Variants in ST18 observed in about 807,000 individuals in gnomAD.
The protein encoded by ST18 is suppression of tumorigenicity 18 protein.
Under a neutral mutation model 110.0 loss-of-function variants are expected in ST18, and 50 were observed. The ratio of observed to expected loss-of-function variants is 0.45; its 90% CI spans 0.36 to 0.58. The LOEUF (loss-of-function observed/expected upper bound fraction) is 0.58, where lower values mean the gene tolerates loss of function less well. Ranked by LOEUF, ST18 falls within the 20% of genes least tolerant of loss-of-function variation. The pLI is 0.00. For synonymous variants in ST18, 461 were observed against 452.4 expected (o/e 1.02, Z -0.24); for missense variants, 1,306 against 1,280.1 (o/e 1.02, Z -0.31).
intron 6 of ST18, among the ~76,000 whole-genome samples, chr8:52,217,139 T>A (rs1435035235): frequency 6.6e-6 from 1 of 152,208 alleles, no homozygotes. Flanking sequence ...TAAAACCTAA[T>A]GAGTCCTTTG....
chr8:52,209,788 A>AATAT (rs55960327), intron 8 of ST18, among the ~76,000 whole-genome samples: 122 of 105,672 alleles, frequency 1.2e-3, no homozygotes, highest in African/African-American at 3.0e-3. Context: ...AAAAAAAAAA[A>AATAT]ATATATATAT....
rs188359416 is a variant in ST18 at position 52,217,755 on chromosome 8, G to A, written c.-10C>T. 6.6e-6 allele frequency: 1 copy of A among 152,288 alleles called. No individual in the cohort carries two copies. The highest frequency in any genetic ancestry group is 1.5e-5 in the Non-Finnish European group (1 of 68,026). 9.4% of individuals were successfully genotyped at this position (152,288 alleles called of 1,614,324 possible). On this transcript the variant is annotated 5_prime_UTR_variant, in exon 6 of 26. Transcript: ENST00000689386. Reference sequence around the variant, plus strand: ...TTATGTACTTACAAACCTATAAACAGATGTATAAAGTGATTTCCTAGTACT... The same window carrying A: ...TTATGTACTTACAAACCTATAAACAAATGTATAAAGTGATTTCCTAGTACT...
intron 16 of ST18, among the ~76,000 whole-genome samples, chr8:52,144,354 T>C (rs2056439926): frequency 6.6e-6 from 1 of 152,036 alleles, no homozygotes; most frequent in East Asian, 1.9e-4. Context: ...TAAATGAATA[T>C]AAAAATACTA....
chr8:52,258,084 G>T (rs55865170), intron 2 of ST18, among the ~76,000 whole-genome samples: 9 of 151,954 alleles, frequency 5.9e-5, no homozygotes, highest in African/African-American at 1.5e-4. Flanking sequence ...ATCCATTGAT[G>T]GTAGACATGG....
intron 2 of ST18, among the ~76,000 whole-genome samples, chr8:52,312,203 C>T (rs1026338515): frequency 2.6e-5 from 4 of 152,082 alleles, no homozygotes; most frequent in African/African-American, 4.8e-5. Flanking sequence ...TATCTATATC[C>T]GATTTACTAG....
At position 52,332,711 on chromosome 8, in the gene ST18, C is replaced by G. The variant is rs191639062; in HGVS notation, c.-465+76617G>C. Among the ~76,000 whole-genome samples, 840 of 151,824 alleles carry G rather than the reference C, an allele frequency of 5.5e-3. 11 individuals are homozygous for G. Among genetic ancestry groups the G allele is most frequent in the African/African-American group, 0.019 (804 of 41,416 alleles). On this transcript the variant is annotated intron_variant, in intron 2 of 25. Coordinates refer to ENST00000689386, the MANE Select transcript of ST18 (RefSeq NM_001352837.2). ...ACTAAAAATACAAAAATTAGCCAGG[C>G]GTGGTGGCGCATGCCTGTAATCCCA...
At chr8:52,275,374 A>G (rs1002989823) in intron 2 of ST18, among the ~76,000 whole-genome samples, 2 of 152,208 alleles carry the variant, frequency 1.3e-5, no homozygotes, top group East Asian at 3.8e-4. Context: ...GACTTTTGCT[A>G]AAGTTCAGCT....
chr8:52,167,151 C>T lies in ST18; in HGVS notation c.1070-165G>A, dbSNP rs548530701. Among the ~76,000 whole-genome samples the T allele has an allele frequency of 1.2e-3, 178 of 152,274 alleles. 1 individual carries two copies. Among genetic ancestry groups the T allele is most frequent in the Non-Finnish European group, 2.2e-3 (152 of 68,024 alleles). ...GACCCTCAACTAAGACCTGTGGAAA[C>T]GGAAAACATGTTTTCAATTTTCTTG... is the stretch of plus-strand genomic sequence containing the variant. On this transcript the variant is annotated intron_variant, in intron 10 of 25. Coordinates refer to ENST00000689386, the MANE Select transcript of ST18 (RefSeq NM_001352837.2).
Position 52,159,125 on chromosome 8 carries a change from T to G in ST18, c.1595-16A>C. 6.2e-7 allele frequency: 1 copy of G among 1,610,192 alleles called. No individual in the cohort carries two copies. The highest frequency in any genetic ancestry group is 8.5e-7 in the Non-Finnish European group (1 of 1,177,908). ...AAATGCTTTGCTGTTGAAGAGAGAT[T>G]TGATTAGCAATTGCATGTACATGGT... On this transcript the variant is annotated splice_polypyrimidine_tract_variant and intron_variant, in intron 14 of 25. Transcript: ENST00000689386.
chr8:52,352,569 C>T (rs1820852056), intron 2 of ST18, among the ~76,000 whole-genome samples: 1 of 152,158 alleles, frequency 6.6e-6, no homozygotes. Flanking sequence ...TCAGCTAAGT[C>T]TAGGGCTGTT....
At chr8:52,335,860 A>G (rs13258413) in intron 2 of ST18, among the ~76,000 whole-genome samples, 29,484 of 151,618 alleles carry the variant, frequency 0.19, 2,959 homozygotes, top group Admixed American at 0.25. Context: ...CTCCGTAAGC[A>G]CCTCCCTTCA....
At chr8:52,200,540 G>T (rs550779934) in intron 8 of ST18, among the ~76,000 whole-genome samples, 1 of 152,116 alleles carries the variant, frequency 6.6e-6, no homozygotes, top group South Asian at 2.1e-4. Flanking sequence ...GTAAAGATGT[G>T]GTCTTTTCCT....
At chr8:52,257,059 T>C (rs1394267747) in intron 2 of ST18, among the ~76,000 whole-genome samples, 1 of 152,194 alleles carries the variant, frequency 6.6e-6, no homozygotes. Flanking sequence ...TCATATAATA[T>C]GTTGTCCTTT....
chr8:52,382,143 C>T (rs1323253491), intron 2 of ST18, among the ~76,000 whole-genome samples: 3 of 152,062 alleles, frequency 2.0e-5, no homozygotes, highest in Non-Finnish European at 4.4e-5. Flanking sequence ...TTCTGGCACC[C>T]AAACCTGGCA....
At chr8:52,184,341 C>A (rs2071115915) in intron 8 of ST18, among the ~76,000 whole-genome samples, 1 of 152,190 alleles carries the variant, frequency 6.6e-6, no homozygotes, top group East Asian at 1.9e-4. Context: ...ATCAATGCAG[C>A]AAATATCTTT....
rs1564568688 is a variant in ST18, at chr8:52,357,716, TATA to T, written c.-465+51609_-465+51611del. On this transcript the variant is annotated intron_variant, in intron 2 of 25. Coordinates refer to ENST00000689386, the MANE Select transcript of ST18 (RefSeq NM_001352837.2). Reference sequence around the variant, plus strand: ...ATATATATATATATATATATATATATATATATATATATATAAAACAGACTCAAA... The same window carrying T: ...ATATATATATATATATATATATATATTATATATATATAAAACAGACTCAAA... Among the ~76,000 whole-genome samples, 52 of 68,032 alleles carry T rather than the reference TATA, an allele frequency of 7.6e-4. 1 individual carries two copies. The highest frequency in any genetic ancestry group is 4.7e-3 in the African/African-American group (48 of 10,238). 44.6% of individuals were successfully genotyped at this position (68,032 alleles called of 152,430 possible). A position where few individuals can be genotyped will look rare whatever the true frequency, so the allele number is the denominator to read the frequency against.
chr8:52,303,972 T>C (rs192780631), intron 2 of ST18, among the ~76,000 whole-genome samples: 3 of 152,306 alleles, frequency 2.0e-5, no homozygotes, highest in Admixed American at 1.3e-4. Context: ...ATTACGTCCT[T>C]GCTTGTAGGA....
At chr8:52,281,183 A>T (rs1417716494) in intron 2 of ST18, among the ~76,000 whole-genome samples, 3 of 152,180 alleles carry the variant, frequency 2.0e-5, no homozygotes, top group Non-Finnish European at 2.9e-5. Flanking sequence ...CTACTTAGGG[A>T]TAATGTGTAG....
chr8:52,244,103 T>C (rs924615004), intron 2 of ST18, among the ~76,000 whole-genome samples: 4 of 152,152 alleles, frequency 2.6e-5, no homozygotes, highest in East Asian at 1.9e-4. Flanking sequence ...AAGTAGGGCA[T>C]TGGGTATGGA....
Sources: gnomAD v4.1 joint callset for allele counts (sites outside exome capture counted in the v4.1 genomes callset) on GRCh38, gnomAD v4.1.1 for gene constraint, MANE v1.5 for transcripts, NCBI Gene and HGNC (gene_info 2026-07-23, HGNC 2026-07-21) for gene names.